Variants in CDH12 observed in about 807,000 individuals in gnomAD.
CDH12 encodes the protein cadherin 12.
In CDH12, 41 loss-of-function variants were observed where a neutral mutation model predicts 74.1. The ratio of observed to expected loss-of-function variants is 0.55; its 90% confidence interval spans 0.43 to 0.72. The LOEUF is 0.72. Ranked by LOEUF, CDH12 falls within the 30% of genes least tolerant of loss-of-function variation. The probability of loss-of-function intolerance (pLI) is 0.00; values close to 1 mark genes in which losing one functional copy is unlikely to be tolerated. For synonymous variants in CDH12, 399 were observed against 355.0 expected (o/e 1.12, Z -1.39); for missense variants, 945 against 977.2 (o/e 0.97, Z 0.44).
chr5:21,874,127 G>A (rs935598966), intron 6 of CDH12, among the ~76,000 whole-genome samples: 3 of 152,112 alleles, frequency 2.0e-5, no homozygotes, highest in African/African-American at 7.2e-5. Context: ...ACCCAGTAAT[G>A]GGATTGCTGG....
chr5:22,266,488 C>T (rs1736121089), intron 3 of CDH12, among the ~76,000 whole-genome samples: 1 of 152,090 alleles, frequency 6.6e-6, no homozygotes, highest in Non-Finnish European at 1.5e-5. Flanking sequence ...GAAGCAGTAT[C>T]AGACATTTTA....
intron 1 of CDH12, among the ~76,000 whole-genome samples, chr5:22,612,242 A>C (rs1171687686): frequency 1.3e-5 from 2 of 152,166 alleles, no homozygotes; most frequent in Non-Finnish European, 2.9e-5. Flanking sequence ...TCTTCAAAAA[A>C]TAATGCTCAT....
intron 3 of CDH12, among the ~76,000 whole-genome samples, chr5:22,330,279 A>C (rs1451377262): frequency 6.6e-6 from 1 of 152,092 alleles, no homozygotes; most frequent in African/African-American, 2.4e-5. Context: ...CTACCTTGAA[A>C]GGAAGGATCC....
At chr5:22,387,721 T>C (rs191493246) in intron 3 of CDH12, among the ~76,000 whole-genome samples, 19 of 152,238 alleles carry the variant, frequency 1.2e-4, no homozygotes, top group Admixed American at 7.2e-4. Context: ...GAGATGAGGA[T>C]AGGAGAATTG....
intron 4 of CDH12, among the ~76,000 whole-genome samples, chr5:22,152,713 G>C (rs13167955): frequency 7.2e-5 from 11 of 152,186 alleles, no homozygotes; most frequent in East Asian, 5.8e-4. Context: ...CGGATCTCTT[G>C]AAGTATTCCT....
At chr5:22,799,330 AT>A (rs1748388907) in intron 1 of CDH12, among the ~76,000 whole-genome samples, 1 of 152,220 alleles carries the variant, frequency 6.6e-6, no homozygotes, top group Non-Finnish European at 1.5e-5. Flanking sequence ...AACATTAAAA[AT>A]CATACAGTAA....
At chr5:22,826,279 A>C (rs1277289313) in intron 1 of CDH12, among the ~76,000 whole-genome samples, 5 of 152,140 alleles carry the variant, frequency 3.3e-5, no homozygotes, top group Non-Finnish European at 5.9e-5. Flanking sequence ...CCATTCATGT[A>C]AGATGTGACT....
chr5:22,266,162 G>A (rs554678373), intron 3 of CDH12, among the ~76,000 whole-genome samples: 7 of 151,670 alleles, frequency 4.6e-5, no homozygotes, highest in Non-Finnish European at 1.0e-4. Context: ...TACAACCTCC[G>A]CCTCCCAGGT....
chr5:22,575,096 A>AAG (rs1202205670), intron 1 of CDH12, among the ~76,000 whole-genome samples: 1 of 152,192 alleles, frequency 6.6e-6, no homozygotes, highest in Non-Finnish European at 1.5e-5. Context: ...AGCAGGTAGA[A>AAG]AGAGAATAGG....
Position 22,450,400 on chromosome 5 carries a change from C to A in CDH12, c.-427-45049G>T, listed in dbSNP as rs1300093177. Reference sequence around the variant, plus strand: ...CTTCTAAAGTCTGTTTATTAAAAGTCTTCTCAATCTTGAAAAAGGACCTCC... The same window carrying A: ...CTTCTAAAGTCTGTTTATTAAAAGTATTCTCAATCTTGAAAAAGGACCTCC... On this transcript the variant is annotated intron_variant, in intron 2 of 14. Coordinates refer to ENST00000382254, the MANE Select transcript of CDH12 (RefSeq NM_004061.5). 2.0e-5 allele frequency among the ~76,000 whole-genome samples: 3 copies of A among 151,916 alleles called. No homozygotes were observed. The East Asian group carries it at 5.8e-4, about 29-fold the overall frequency.
intron 5 of CDH12, among the ~76,000 whole-genome samples, chr5:22,026,475 C>T (rs1186625035): frequency 1.3e-5 from 2 of 152,148 alleles, no homozygotes; most frequent in African/African-American, 2.4e-5. Context: ...CCATCATGCA[C>T]CTGATGCTAT....
At chr5:22,311,431 G>C (rs761715431) in intron 3 of CDH12, among the ~76,000 whole-genome samples, 1 of 152,090 alleles carries the variant, frequency 6.6e-6, no homozygotes, top group East Asian at 1.9e-4. Flanking sequence ...TGGGCCGGGC[G>C]CGGTGGCTCA....
intron 3 of CDH12, among the ~76,000 whole-genome samples, chr5:22,224,644 T>C (rs1752133297): frequency 6.6e-6 from 1 of 152,042 alleles, no homozygotes; most frequent in African/African-American, 2.4e-5. Flanking sequence ...AACAGGCAGA[T>C]AGTCATATTT....
In CDH12 at chr5:22,024,493, CTTTA is replaced by C. The variant is rs527683083; in HGVS notation, c.232-49112_232-49109del. 4.0e-3 allele frequency among the ~76,000 whole-genome samples: 608 copies of C among 152,076 alleles called. 8 individuals carry two copies. The highest frequency in any genetic ancestry group is 0.014 in the Middle Eastern group (4 of 294). ...ATCATCATGCATAAAGGTAAATTTA[CTTTA>C]TTTATCTATCTATTTATTCATTCAT... On this transcript the variant is annotated intron_variant, in intron 5 of 14. Coordinates refer to ENST00000382254, the MANE Select transcript of CDH12 (RefSeq NM_004061.5).
At chr5:22,061,768 T>C (rs940389780) in intron 5 of CDH12, among the ~76,000 whole-genome samples, 22 of 152,268 alleles carry the variant, frequency 1.4e-4, no homozygotes, top group African/African-American at 5.1e-4. Flanking sequence ...ACTTATTAAT[T>C]GTACTGTGTG....
intron 3 of CDH12, among the ~76,000 whole-genome samples, chr5:22,219,719 G>A (rs182479294): frequency 1.3e-5 from 2 of 151,714 alleles, no homozygotes. Flanking sequence ...GTAGTTCACT[G>A]CCTAGGATTG....
chr5:22,095,417 T>C (rs1389752967), intron 4 of CDH12, among the ~76,000 whole-genome samples: 4 of 152,146 alleles, frequency 2.6e-5, no homozygotes, highest in South Asian at 4.1e-4. Context: ...TCCCTTGGTG[T>C]TTAATCATTG....
intron 2 of CDH12, among the ~76,000 whole-genome samples, chr5:22,461,415 AT>A (rs1373566354): frequency 3.9e-5 from 6 of 152,106 alleles, no homozygotes; most frequent in African/African-American, 9.6e-5. Flanking sequence ...TTAAAAAAAA[AT>A]GAACATGTAT....
intron 8 of CDH12, among the ~76,000 whole-genome samples, chr5:21,820,199 A>G (rs1293482126): frequency 6.6e-6 from 1 of 152,012 alleles, no homozygotes; most frequent in Non-Finnish European, 1.5e-5. Context: ...TACGAACTTT[A>G]TGTTCTATAA....
Sources: allele counts gnomAD v4.1 joint callset (sites outside exome capture counted in the v4.1 genomes callset), GRCh38; gene constraint gnomAD v4.1.1; transcripts MANE v1.5; gene names NCBI Gene and HGNC (gene_info 2026-07-23, HGNC 2026-07-21).